IP6K3: variants seen among roughly 807,000 people sequenced by gnomAD.
IP6K3 encodes the protein inositol hexakisphosphate kinase 3, also known as ATP:1D-myo-inositol-hexakisphosphate phosphotransferase.
In IP6K3, 20 loss-of-function variants were observed where a neutral mutation model predicts 28.8. That is an observed-to-expected ratio of 0.70 (90% CI 0.49 to 1.01). The LOEUF is 1.01. IP6K3 is among the 50% of genes least tolerant of loss of function. The probability of loss-of-function intolerance (pLI) is 0.00; values close to 1 mark genes in which losing one functional copy is unlikely to be tolerated. For missense variants in IP6K3, 480 were observed against 537.1 expected, an observed-to-expected ratio of 0.89 and a Z score of 1.05; for synonymous variants, 213 against 221.3, an observed-to-expected ratio of 0.96 and a Z score of 0.33.
intron 5 of IP6K3, among the ~76,000 whole-genome samples, chr6:33,724,832 A>G (rs1168471535): frequency 1.3e-5 from 2 of 152,210 alleles, no homozygotes; most frequent in South Asian, 4.1e-4. Flanking sequence ...AGGTCTGCTC[A>G]CAACATGAGC....
At chr6:33,739,271 A>C (rs987917095) in intron 1 of IP6K3, 1 of 152,234 alleles carries the variant, frequency 6.6e-6, no homozygotes, top group Non-Finnish European at 1.5e-5. Flanking sequence ...CCTGTGAAAA[A>C]AAAAAGAAAA....
the IP6K3 span, among the ~76,000 whole-genome samples, chr6:33,752,422 A>G: frequency 6.6e-6 from 1 of 152,198 alleles, no homozygotes; most frequent in Non-Finnish European, 1.5e-5. Context: ...CCCTGCCCTG[A>G]GCATCTCCCC....
the IP6K3 span, among the ~76,000 whole-genome samples, chr6:33,762,048 C>T: frequency 0.23 from 35,036 of 152,040 alleles, 4,195 homozygotes; most frequent in Admixed American, 0.31. Context: ...CACGAGTGAC[C>T]CTTCTGGGGG....
At chr6:33,747,492 G>C (rs539582491), upstream of IP6K3, among the ~76,000 whole-genome samples, 22 of 152,224 alleles carry the variant, frequency 1.4e-4, no homozygotes, top group Non-Finnish European at 2.9e-4. The surrounding 1 kb of genome is among the most constrained non-coding windows in gnomAD (Gnocchi z 5.2). Flanking sequence ...TCCAGGATAA[G>C]TGTCTGGTGA....
intron 2 of IP6K3, among the ~76,000 whole-genome samples, chr6:33,734,203 C>A (rs1335934006): frequency 2.8e-5 from 3 of 108,538 alleles, no homozygotes; most frequent in African/African-American, 7.7e-5. Flanking sequence ...AACTCCGTCT[C>A]AAAAAAAAAA....
chr6:33,751,519 T>TGTGTGTGTGTGTG (rs36009611), upstream of IP6K3, among the ~76,000 whole-genome samples: 2 of 89,064 alleles, frequency 2.2e-5, no homozygotes, highest in Admixed American at 1.2e-4. This position sits in a 1 kb window ranked among gnomAD's most constrained non-coding sequence, Gnocchi z 4.3. Context: ...TGTGTGTGTG[T>TGTGTGTGTGTGTG]TTGGCCCCGG....
chr6:33,745,319 C>T (rs62398918), intron 1 of IP6K3, among the ~76,000 whole-genome samples: 14,449 of 152,146 alleles, frequency 0.095, 893 homozygotes, highest in African/African-American at 0.17. Flanking sequence ...CCTGTGACCC[C>T]CGGAAGCAGC....
chr6:33,732,384 T>A (rs1004672517), intron 2 of IP6K3, among the ~76,000 whole-genome samples: 1 of 152,196 alleles, frequency 6.6e-6, no homozygotes, highest in Non-Finnish European at 1.5e-5. Flanking sequence ...GCTGTTCCTA[T>A]AGGGGAGAAA....
Position 33,722,613 on chromosome 6 carries a change from T to C in IP6K3, c.*107A>G. 2.8e-6 allele frequency: 2 copies of C among 723,576 alleles called. No individual in the cohort carries two copies. Among genetic ancestry groups the C allele is most frequent in the Non-Finnish European group, 4.8e-6 (2 of 418,498 alleles). 44.8% of individuals were successfully genotyped at this position (723,576 alleles called of 1,614,324 possible). ...TATAGAGATGGTTTTTGAAGGTAGA[T>C]AGGACTATTATGAAGACATCTAAGG... On this transcript the variant is annotated 3_prime_UTR_variant, in exon 6 of 6. Coordinates refer to ENST00000293756, the MANE Select transcript of IP6K3 (RefSeq NM_054111.5).
intron 3 of IP6K3, 120 bp downstream of exon 3, chr6:33,727,967 C>T: frequency 6.8e-7 from 1 of 1,462,840 alleles, no homozygotes; most frequent in Non-Finnish European, 9.0e-7. Flanking sequence ...GAGCATTCAT[C>T]TGAATTTCTT....
chr6:33,729,961 C>G (rs749612400), intron 2 of IP6K3, among the ~76,000 whole-genome samples: 1 of 152,186 alleles, frequency 6.6e-6, no homozygotes, highest in African/African-American at 2.4e-5. Context: ...ATCCACCCAC[C>G]CTGGCCTCCC....
At chr6:33,756,563 T>C in the IP6K3 span, among the ~76,000 whole-genome samples, 2 of 152,148 alleles carry the variant, frequency 1.3e-5, no homozygotes, top group Non-Finnish European at 2.9e-5. Context: ...CTAAACAATC[T>C]GTGAAGCTCA....
At position 33,735,617 on chromosome 6, in the gene IP6K3, G is replaced by T. The variant is rs12189725; in HGVS notation, c.-141C>A. ...TCTTGGCCTTTATTGCTGTCATAGC[G>T]CAGTTGTCCTCCTGTCTGTGGGTTC... On this transcript the variant is annotated 5_prime_UTR_variant, in exon 2 of 6. Transcript: ENST00000293756. 0.16 allele frequency: 236,212 copies of T among 1,463,862 alleles called. 20,679 individuals carry two copies. Among genetic ancestry groups the T allele is most frequent in the Middle Eastern group, 0.19 (756 of 4,032 alleles). The allele number at this position is 1,463,862 out of a possible 1,614,324, so 90.7% of individuals were successfully genotyped here. A position where few individuals can be genotyped will look rare whatever the true frequency, so the allele number is the denominator to read the frequency against.
At chr6:33,749,914 G>T (rs1766997924), upstream of IP6K3, among the ~76,000 whole-genome samples, 1 of 152,082 alleles carries the variant, frequency 6.6e-6, no homozygotes, top group Non-Finnish European at 1.5e-5. Flanking sequence ...GTGGACTGGA[G>T]CATCCTAGGC....
chr6:33,756,508 G>A, the IP6K3 span, among the ~76,000 whole-genome samples: 4 of 152,226 alleles, frequency 2.6e-5, no homozygotes, highest in East Asian at 1.9e-4. Context: ...GAGAGAGAGC[G>A]AGAGAGACTC....
At chr6:33,734,138 A>G (rs1378348512) in intron 2 of IP6K3, among the ~76,000 whole-genome samples, 2 of 149,932 alleles carry the variant, frequency 1.3e-5, no homozygotes, top group South Asian at 4.2e-4. Flanking sequence ...GGGAGGCGGA[A>G]GTTGCAATGA....
rs552697560 is a variant in IP6K3, at chr6:33,727,744, A to G, written c.413+343T>C. On this transcript the variant is annotated intron_variant, in intron 3 of 5. Transcript: ENST00000293756. Reference sequence around the variant, plus strand: ...ACTTTTCCTCTACATACACTATTCTAGGGTTTCTGTTTTGTGTACTTCCTC... The same window carrying G: ...ACTTTTCCTCTACATACACTATTCTGGGGTTTCTGTTTTGTGTACTTCCTC... 1.7e-4 allele frequency: 130 copies of G among 769,886 alleles called. 1 individual carries two copies. In the Middle Eastern group the frequency reaches 2.0e-3, roughly 12 times the overall value. The allele number at this position is 769,886 out of a possible 1,614,324, so 47.7% of individuals were successfully genotyped here. A position where few individuals can be genotyped will look rare whatever the true frequency, so the allele number is the denominator to read the frequency against.
chr6:33,748,417 C>T (rs1324604698), upstream of IP6K3, among the ~76,000 whole-genome samples: 4 of 152,062 alleles, frequency 2.6e-5, no homozygotes, highest in Admixed American at 6.6e-5. Context: ...GTGCCCTCTA[C>T]GCCCACTTCA....
intron 5 of IP6K3, 113 bp downstream of exon 5, chr6:33,725,328 C>A: frequency 9.0e-7 from 1 of 1,105,340 alleles, no homozygotes; most frequent in South Asian, 1.8e-5. Context: ...TCTGTGGCTC[C>A]TCCAGAGTGA....
Sources: allele counts gnomAD v4.1 joint callset (sites outside exome capture counted in the v4.1 genomes callset), GRCh38; gene constraint gnomAD v4.1.1; non-coding constraint Gnocchi (gnomAD v3.1); transcripts MANE v1.5; gene names NCBI Gene and HGNC (gene_info 2026-07-23, HGNC 2026-07-21).